DMD: variants seen among roughly 807,000 people sequenced by gnomAD.
The protein encoded by DMD is dystrophin.
Under a neutral mutation model 330.1 loss-of-function variants are expected in DMD, and 63 were observed. That is an observed-to-expected ratio of 0.19 (90% CI 0.16 to 0.24). The LOEUF (loss-of-function observed/expected upper bound fraction) is 0.24. DMD is among the 10% of genes least tolerant of loss of function. The probability of loss-of-function intolerance (pLI) is 1.00; values close to 1 mark genes in which losing one functional copy is unlikely to be tolerated. For missense variants in DMD, 3,344 were observed against 2,684.1 expected (o/e 1.25, Z -5.43); for synonymous variants, 1,223 against 959.8 (o/e 1.27, Z -5.07).
chrX:31,680,131 G>C lies in DMD; in HGVS notation c.7661-545C>G, dbSNP rs552076175. 4.5e-5 allele frequency among the ~76,000 whole-genome samples: 5 copies of C among 111,780 alleles called. No individual in the cohort carries two copies. The South Asian group carries it at 1.9e-3, about 42-fold the overall frequency. ...CCTTGATGCTAGGGGAAATAACTCTGAGGCATGTATTTTACAAGGGTTCCA... is the reference window on the plus strand; with the variant it reads ...CCTTGATGCTAGGGGAAATAACTCTCAGGCATGTATTTTACAAGGGTTCCA... On this transcript the variant is annotated intron_variant, in intron 52 of 78. Transcript: ENST00000357033.
chrX:33,096,157 G>T (rs1228792283), intron 1 of DMD, among the ~76,000 whole-genome samples: 3 of 108,718 alleles, frequency 2.8e-5, no homozygotes, highest in African/African-American at 1.0e-4. Flanking sequence ...TGTATTTTTA[G>T]TAGAGACGGG....
At chrX:31,324,115 A>C (rs1291984432) in intron 61 of DMD, among the ~76,000 whole-genome samples, 1 of 111,704 alleles carries the variant, frequency 9.0e-6, no homozygotes, top group African/African-American at 3.3e-5. Flanking sequence ...TAATATGCTT[A>C]TCACTCTGAT....
intron 7 of DMD, among the ~76,000 whole-genome samples, chrX:32,777,451 G>C (rs968788448): frequency 1.8e-5 from 2 of 109,982 alleles, no homozygotes; most frequent in African/African-American, 6.6e-5. Context: ...TTTTAAGATT[G>C]TTTATGGTAA....
At chrX:31,227,171 G>A (rs959002482) in intron 63 of DMD, among the ~76,000 whole-genome samples, 3 of 110,406 alleles carry the variant, frequency 2.7e-5, no homozygotes, top group Admixed American at 9.8e-5. Flanking sequence ...CTATTTTCCT[G>A]GTTCTATTCA....
intron 44 of DMD, among the ~76,000 whole-genome samples, chrX:32,091,555 C>T (rs2096475097): frequency 9.1e-6 from 1 of 110,085 alleles, no homozygotes; most frequent in Non-Finnish European, 1.9e-5. Flanking sequence ...TGATCTATAG[C>T]TTGAACTAAA....
At chrX:31,977,000 A>G (rs979996005) in intron 44 of DMD, among the ~76,000 whole-genome samples, 1 of 112,085 alleles carries the variant, frequency 8.9e-6, no homozygotes, top group African/African-American at 3.2e-5. Context: ...GGGACACCCT[A>G]GAAAATGCTG....
intron 2 of DMD, among the ~76,000 whole-genome samples, chrX:32,995,237 T>C (rs150835976): frequency 2.3e-4 from 26 of 112,902 alleles, no homozygotes; most frequent in African/African-American, 8.0e-4. Flanking sequence ...TAGTTACTTT[T>C]AGGTTTAATG....
chrX:33,031,689 T>G (rs984117454), intron 1 of DMD, among the ~76,000 whole-genome samples: 1 of 110,923 alleles, frequency 9.0e-6, no homozygotes, highest in Non-Finnish European at 1.9e-5. Flanking sequence ...GAGAATCACT[T>G]GAACCTGGGA....
At chrX:31,881,923 C>G (rs1206034368) in intron 47 of DMD, among the ~76,000 whole-genome samples, 1 of 111,776 alleles carries the variant, frequency 8.9e-6, no homozygotes, top group Admixed American at 9.5e-5. Context: ...AAGCTTCTAC[C>G]CTGGAAACTA....
rs758320977 is a variant in DMD, at chrX:31,155,064, CAACT to C, written c.10554-7550_10554-7547del. On this transcript the variant is annotated intron_variant, in intron 74 of 78. Coordinates refer to ENST00000357033, the MANE Select transcript of DMD (RefSeq NM_004006.3). ...TTTACACTCAAAAAAACTTCCCAAC[CAACT>C]AATGGACATAAGAGATTAATCAAAT... 9.8e-5 allele frequency among the ~76,000 whole-genome samples: 11 copies of C among 112,300 alleles called. No homozygotes were observed. The East Asian group carries it at 2.2e-3, about 23-fold the overall frequency.
intron 59 of DMD, among the ~76,000 whole-genome samples, chrX:31,459,436 G>T (rs963013492): frequency 9.0e-6 from 1 of 111,611 alleles, no homozygotes; most frequent in Non-Finnish European, 1.9e-5. Flanking sequence ...CCTGTACTTC[G>T]GCATATATTG....
intron 51 of DMD, among the ~76,000 whole-genome samples, chrX:31,751,400 A>T (rs1332399445): frequency 9.0e-6 from 1 of 111,529 alleles, no homozygotes; most frequent in Non-Finnish European, 1.9e-5. Flanking sequence ...CATGCCACCA[A>T]ATCCATCAAC....
At chrX:32,729,362 A>T (rs1398650341) in intron 7 of DMD, among the ~76,000 whole-genome samples, 1 of 112,037 alleles carries the variant, frequency 8.9e-6, no homozygotes, top group Non-Finnish European at 1.9e-5. Flanking sequence ...AACATTGCCC[A>T]ATATTTAGTC....
intron 2 of DMD, among the ~76,000 whole-genome samples, chrX:32,908,082 C>G: frequency 9.0e-6 from 1 of 111,716 alleles, no homozygotes; most frequent in South Asian, 3.7e-4. Context: ...TCTGTTGCTA[C>G]GAGTCACCCT....
intron 44 of DMD, among the ~76,000 whole-genome samples, chrX:32,036,019 G>A (rs2095942493): frequency 1.8e-5 from 2 of 111,446 alleles, no homozygotes. Flanking sequence ...GGAAAGGGAG[G>A]AATGGCAAAG....
At chrX:31,557,323 C>A (rs2031573284) in intron 55 of DMD, among the ~76,000 whole-genome samples, 2 of 111,460 alleles carry the variant, frequency 1.8e-5, no homozygotes, top group Admixed American at 9.5e-5. Flanking sequence ...ATAAAGACCC[C>A]AAACTTCTAT....
At chrX:31,721,740 A>ATG (rs1380663958) in intron 52 of DMD, among the ~76,000 whole-genome samples, 25 of 94,931 alleles carry the variant, frequency 2.6e-4, no homozygotes, top group Non-Finnish European at 5.0e-4. Flanking sequence ...ATATATATAT[A>ATG]TATATCTCCT....
chrX:32,429,563 T>C (rs2098229549), intron 29 of DMD, among the ~76,000 whole-genome samples: 1 of 108,113 alleles, frequency 9.2e-6, no homozygotes, highest in Admixed American at 1.0e-4. Context: ...TTTTCTACCA[T>C]CTTTTCTTTT....
At chrX:31,477,323 G>A (rs1415883075) in intron 59 of DMD, among the ~76,000 whole-genome samples, 2 of 111,763 alleles carry the variant, frequency 1.8e-5, no homozygotes, top group Admixed American at 9.5e-5. Context: ...GAAAGCCAAG[G>A]AAGAGGACAA....
Sources: allele counts gnomAD v4.1 joint callset (sites outside exome capture counted in the v4.1 genomes callset), GRCh38; gene constraint gnomAD v4.1.1; transcripts MANE v1.5; gene names NCBI Gene and HGNC (gene_info 2026-07-23, HGNC 2026-07-21).